The following SHISA9 variants were observed in gnomAD, a reference collection of about 807,000 sequenced individuals.
SHISA9 encodes protein shisa-9.
SHISA9 carries 13 observed loss-of-function variants against 38.0 expected under a neutral mutation model. That is an observed-to-expected ratio of 0.34 (90% CI 0.22 to 0.54). The LOEUF is 0.54. Ranked by LOEUF, SHISA9 falls within the 20% of genes least tolerant of loss-of-function variation. SHISA9 has a pLI of 0.91. For synonymous variants in SHISA9, 275 were observed against 242.0 expected (o/e 1.14, Z -1.27); for missense variants, 538 against 575.8 (o/e 0.93, Z 0.67).
intron 2 of SHISA9, among the ~76,000 whole-genome samples, chr16:12,944,922 G>T (rs767820190): frequency 3.9e-5 from 6 of 152,098 alleles, no homozygotes; most frequent in African/African-American, 1.4e-4. Context: ...ACCCATCAAG[G>T]GTGTGTCATC....
chr16:13,208,493 G>C (rs2051088737), intron 3 of SHISA9, among the ~76,000 whole-genome samples: 1 of 141,168 alleles, frequency 7.1e-6, no homozygotes, highest in African/African-American at 2.7e-5. Context: ...CCAGGCTGGA[G>C]TGCCATGGCG....
chr16:12,928,411 T>C (rs183347405), intron 2 of SHISA9, among the ~76,000 whole-genome samples: 1 of 152,266 alleles, frequency 6.6e-6, no homozygotes, highest in Admixed American at 6.5e-5. Context: ...CACTGAGGTC[T>C]AGGAAGAAGC....
chr16:13,367,702 G>A, the SHISA9 span, among the ~76,000 whole-genome samples: 29 of 35,818 alleles, frequency 8.1e-4, no homozygotes, highest in Admixed American at 1.2e-3. Context: ...GTGCGTGCGC[G>A]CGCGCGCGCG....
At chr16:12,949,536 G>C (rs965885252) in intron 2 of SHISA9, among the ~76,000 whole-genome samples, 2 of 152,220 alleles carry the variant, frequency 1.3e-5, no homozygotes, top group African/African-American at 4.8e-5. Flanking sequence ...CATGTGGCTA[G>C]TCTGAATCAA....
chr16:13,430,378 A>C, the SHISA9 span, among the ~76,000 whole-genome samples: 1 of 152,126 alleles, frequency 6.6e-6, no homozygotes, highest in Admixed American at 6.5e-5. Context: ...GACAAATTTC[A>C]TGTTGCCTTT....
chr16:12,963,491 A>C (rs1013969720), intron 2 of SHISA9, among the ~76,000 whole-genome samples: 1 of 152,212 alleles, frequency 6.6e-6, no homozygotes, highest in Non-Finnish European at 1.5e-5. Flanking sequence ...AGGGAGTTGG[A>C]GAGAAAGATT....
chr16:12,966,800 C>T (rs2071985032), intron 2 of SHISA9, among the ~76,000 whole-genome samples: 1 of 152,166 alleles, frequency 6.6e-6, no homozygotes, highest in Non-Finnish European at 1.5e-5. Context: ...GGAAGATGTT[C>T]AGCATAGTTA....
chr16:13,038,505 G>T (rs914798774), intron 2 of SHISA9, among the ~76,000 whole-genome samples: 7 of 152,146 alleles, frequency 4.6e-5, no homozygotes, highest in African/African-American at 1.7e-4. Flanking sequence ...TCCAATGTGA[G>T]CCTTACTCCT....
intron 2 of SHISA9, among the ~76,000 whole-genome samples, chr16:13,197,015 C>A (rs1471251160): frequency 3.3e-5 from 5 of 152,112 alleles, no homozygotes; most frequent in Middle Eastern, 3.4e-3. Flanking sequence ...TCACTTGAAC[C>A]TGGGAGGTGG....
At chr16:13,068,647 C>A (rs867585792) in intron 2 of SHISA9, among the ~76,000 whole-genome samples, 1 of 149,292 alleles carries the variant, frequency 6.7e-6, no homozygotes, top group Admixed American at 6.6e-5. Flanking sequence ...TGAATCCCAA[C>A]AAGTACTGTG....
chr16:13,004,873 A>G (rs143715612), intron 2 of SHISA9, among the ~76,000 whole-genome samples: 119 of 151,328 alleles, frequency 7.9e-4, no homozygotes, highest in African/African-American at 2.8e-3. Context: ...CAGAGGTTGC[A>G]GTGAGCCTAG....
At chr16:13,214,218 A>G (rs1415441776) in intron 4 of SHISA9, among the ~76,000 whole-genome samples, 3 of 152,140 alleles carry the variant, frequency 2.0e-5, no homozygotes, top group Admixed American at 1.3e-4. Flanking sequence ...TTTATTTATG[A>G]GACAGAGTCT....
At chr16:13,159,447 C>T (rs1158092177) in intron 2 of SHISA9, among the ~76,000 whole-genome samples, 4 of 152,092 alleles carry the variant, frequency 2.6e-5, no homozygotes, top group African/African-American at 4.8e-5. Flanking sequence ...CAGCTGTTCT[C>T]GAGATGTGAG....
rs1346460737 is a variant in SHISA9 at position 13,143,120 on chromosome 16, C to T, written c.692-60274C>T. On this transcript the variant is annotated intron_variant, in intron 2 of 4. Coordinates refer to ENST00000558583, the MANE Select transcript of SHISA9 (RefSeq NM_001145204.3). ...CTCCCGGATTCAAGCAATTCTCCTG[C>T]CTCAGGCTCCCGAGTAGCTGGGATA... Among the ~76,000 whole-genome samples the T allele has an allele frequency of 2.0e-5, 3 of 151,904 alleles. No homozygotes were observed. In the South Asian group the frequency reaches 6.2e-4, roughly 32 times the overall value.
chr16:13,314,758 A>G, the SHISA9 span, among the ~76,000 whole-genome samples: 1 of 152,162 alleles, frequency 6.6e-6, no homozygotes, highest in African/African-American at 2.4e-5. Flanking sequence ...GAATATTCAT[A>G]TACGTAATTT....
chr16:13,150,670 A>G (rs144836297), intron 2 of SHISA9, among the ~76,000 whole-genome samples: 2 of 152,304 alleles, frequency 1.3e-5, no homozygotes, highest in Non-Finnish European at 1.5e-5. Context: ...AAAGGAGGTG[A>G]TTCATCTGCA....
At chr16:13,246,100 A>G in the SHISA9 span, among the ~76,000 whole-genome samples, 4 of 152,046 alleles carry the variant, frequency 2.6e-5, no homozygotes, top group Admixed American at 2.0e-4. Flanking sequence ...ACCACATAAA[A>G]CCAAAATAAG....
the SHISA9 span, among the ~76,000 whole-genome samples, chr16:13,561,927 G>A: frequency 6.6e-6 from 1 of 152,096 alleles, no homozygotes; most frequent in Admixed American, 6.5e-5. Context: ...TTAAAGATAG[G>A]ACTAGTTTTA....
At chr16:13,381,527 A>G in the SHISA9 span, among the ~76,000 whole-genome samples, 2 of 152,220 alleles carry the variant, frequency 1.3e-5, no homozygotes, top group Admixed American at 1.3e-4. Flanking sequence ...TCATTTAATG[A>G]ACAAGTTATA....
Sources: allele counts gnomAD v4.1 joint callset (sites outside exome capture counted in the v4.1 genomes callset), GRCh38; gene constraint gnomAD v4.1.1; transcripts MANE v1.5; gene names NCBI Gene and HGNC (gene_info 2026-07-23, HGNC 2026-07-21).